Variants in XDH observed in about 807,000 individuals in gnomAD.
XDH encodes xanthine dehydrogenase.
Under a neutral mutation model 156.1 loss-of-function variants are expected in XDH, and 138 were observed. The observed-to-expected ratio is 0.88, with a 90% CI of 0.77 to 1.02. XDH has a LOEUF of 1.02. Among genes scored for constraint, XDH ranks in the 50% least tolerant of loss-of-function variants. The pLI is 0.00. For missense variants in XDH, 1,849 were observed against 1,684.9 expected (o/e 1.10, Z -1.71); for synonymous variants, 669 against 625.7 (o/e 1.07, Z -1.03).
intron 24 of XDH, among the ~76,000 whole-genome samples, chr2:31,353,699 G>C (rs1199753441): frequency 1.3e-5 from 2 of 152,166 alleles, no homozygotes; most frequent in Non-Finnish European, 2.9e-5. Context: ...ACCAAGAAAA[G>C]GGCAGTCTAG....
Position 31,379,977 on chromosome 2 carries a change from C to T in XDH, c.1133-1G>A, listed in dbSNP as rs1028214638. On this transcript the variant is annotated splice_acceptor_variant, in intron 12 of 35. Coordinates refer to ENST00000379416, the MANE Select transcript of XDH (RefSeq NM_000379.4). LOFTEE classifies it high-confidence loss of function. ...TCCATCTGGACAGTTCTCCTGGTGC[C>T]TGTACAGAAGCAAGATGAAGAGGAG... is the stretch of plus-strand genomic sequence containing the variant. 6.2e-7 allele frequency: 1 copy of T among 1,613,734 alleles called. No individual in the cohort carries two copies. Among genetic ancestry groups the T allele is most frequent in the Non-Finnish European group, 8.5e-7 (1 of 1,179,974 alleles).
intron 31 of XDH, among the ~76,000 whole-genome samples, chr2:31,343,946 A>G (rs1387540067): frequency 6.6e-6 from 1 of 151,950 alleles, no homozygotes; most frequent in Non-Finnish European, 1.5e-5. Flanking sequence ...TTTTAAAGAA[A>G]CATTGAATTA....
intron 22 of XDH, 75 bp downstream of exon 22, chr2:31,365,901 T>G: frequency 1.9e-6 from 3 of 1,609,680 alleles, no homozygotes; most frequent in Non-Finnish European, 2.5e-6. Flanking sequence ...GGGGAAGTCC[T>G]GAAAACCTTC....
rs576914226 is a variant in XDH, at chr2:31,407,830, T to C, written c.43-1866A>G. 2.0e-5 allele frequency among the ~76,000 whole-genome samples: 3 copies of C among 152,342 alleles called. No individual in the cohort carries two copies. The South Asian group carries it at 6.2e-4, about 32-fold the overall frequency. Reference sequence around the variant, plus strand: ...CCTTTGAATAAAGTTTAAAGGAAAGTAGATGAAATTAATTTTCTTATGTGA... The same window carrying C: ...CCTTTGAATAAAGTTTAAAGGAAAGCAGATGAAATTAATTTTCTTATGTGA... On this transcript the variant is annotated intron_variant, in intron 1 of 35. Transcript: ENST00000379416.
intron 1 of XDH, among the ~76,000 whole-genome samples, chr2:31,406,228 C>T (rs987015336): frequency 2.0e-5 from 3 of 152,074 alleles, no homozygotes; most frequent in African/African-American, 4.8e-5. Context: ...TTAGTTGTCA[C>T]GAGATATTTA....
At position 31,335,151 on chromosome 2, in the gene XDH, G is replaced by C. The variant is rs554285021; in HGVS notation, c.*807C>G. On this transcript the variant is annotated 3_prime_UTR_variant, in exon 36 of 36. Transcript: ENST00000379416. ...CTCCCAAAGTGCTGGGATTATAGGGGTGAGCCACCATGCCAGGACTGATAG... is the reference window on the plus strand; with the variant it reads ...CTCCCAAAGTGCTGGGATTATAGGGCTGAGCCACCATGCCAGGACTGATAG... 1 of 152,244 alleles carries C rather than the reference G, an allele frequency of 6.6e-6. No individual in the cohort carries two copies. The highest frequency in any genetic ancestry group is 1.5e-5 in the Non-Finnish European group (1 of 68,102). 9.4% of individuals were successfully genotyped at this position (152,244 alleles called of 1,614,324 possible).
chr2:31,343,590 A>ATGC (rs1236680668), intron 31 of XDH, among the ~76,000 whole-genome samples: 7 of 144,958 alleles, frequency 4.8e-5, no homozygotes, highest in African/African-American at 7.5e-5. Context: ...TAATATCTAT[A>ATGC]CATATATTAG....
rs755377647 is a variant in XDH, at chr2:31,366,989, T to A, written c.2203A>T (p.Ile735Leu). 6.2e-7 allele frequency: 1 copy of A among 1,614,122 alleles called. No homozygotes were observed. Among genetic ancestry groups the A allele is most frequent in the Non-Finnish European group, 8.5e-7 (1 of 1,179,992 alleles). The change falls in exon 21 of 36, where the codon ATA becomes TTA. Residue 735 changes from isoleucine (I) to leucine (L), a missense_variant. Coordinates refer to ENST00000379416, the MANE Select transcript of XDH (RefSeq NM_000379.4). ...SEADNVVSGE[I>L]YIGGQEHFYL... is the part of the protein sequence containing the mutation. The stretch of plus-strand genomic sequence containing the variant: ...AAGTGCTCTTGGCCACCGATGTATA[T>A]CTCCCCTGGGGAAGCAGTGAGATCC...
intron 24 of XDH, among the ~76,000 whole-genome samples, chr2:31,358,692 T>C (rs1373709766): frequency 2.6e-5 from 4 of 152,066 alleles, no homozygotes; most frequent in Non-Finnish European, 5.9e-5. Flanking sequence ...AAAAAGCATT[T>C]GACAAAATTC....
Position 31,348,922 on chromosome 2 carries a change from A to C in XDH, c.3028T>G (p.Phe1010Val). The C allele has an allele frequency of 6.2e-7, 1 of 1,613,500 alleles. No individual in the cohort carries two copies. The highest frequency in any genetic ancestry group is 8.5e-7 in the Non-Finnish European group (1 of 1,179,344). Residue 1010 changes from phenylalanine (F) to valine (V), a missense_variant, in exon 27 of 36, where the codon TTT (phenylalanine) becomes GTT (valine). Phe to Val is a conservative substitution (Grantham distance 50). Transcript: ENST00000379416. Reference sequence around the variant, plus strand: ...ACCTGATTCAGAAAAGGAACTGTAAAGCTTATTCCAAACTTGGTGGGAATT... The same window carrying C: ...ACCTGATTCAGAAAAGGAACTGTAACGCTTATTCCAAACTTGGTGGGAATT... ...CIIPTKFGIS[F>V]TVPFLNQAGA...
At chr2:31,403,518 C>T (rs928632729) in intron 2 of XDH, among the ~76,000 whole-genome samples, 1 of 152,112 alleles carries the variant, frequency 6.6e-6, no homozygotes, top group Admixed American at 6.5e-5. Context: ...GTTCTCACAT[C>T]ACTCCCAGCT....
intron 30 of XDH, among the ~76,000 whole-genome samples, chr2:31,345,643 C>T (rs530660739): frequency 1.6e-4 from 24 of 152,042 alleles, no homozygotes; most frequent in Non-Finnish European, 3.2e-4. Flanking sequence ...AGACTTGGTC[C>T]TAAAACCTGC....
chr2:31,383,298 G>T, intron 10 of XDH, 146 bp from the exon 11 acceptor site: 1 of 1,264,098 alleles, frequency 7.9e-7, no homozygotes, highest in Non-Finnish European at 1.1e-6. Context: ...TGAGGGCCCA[G>T]AGTGGTTGAG....
intron 16 of XDH, among the ~76,000 whole-genome samples, chr2:31,373,199 G>T (rs1686124547): frequency 6.6e-6 from 1 of 152,152 alleles, no homozygotes; most frequent in Non-Finnish European, 1.5e-5. Flanking sequence ...GTTGTTCAAG[G>T]TTGCACAATT....
At chr2:31,384,685 C>T (rs1686536459) in intron 9 of XDH, among the ~76,000 whole-genome samples, 1 of 152,216 alleles carries the variant, frequency 6.6e-6, no homozygotes, top group South Asian at 2.1e-4. Flanking sequence ...CCCCCCTTCC[C>T]CCCAGGTGCT....
rs555294996 is a variant in XDH, at chr2:31,382,930, G to C, written c.1038+71C>G. ...GAGGCCCACTGCACTGACACAGTGAGAGTCTGGCTGCCCTGCTTTCAGATG... is the reference window on the plus strand; with the variant it reads ...GAGGCCCACTGCACTGACACAGTGACAGTCTGGCTGCCCTGCTTTCAGATG... On this transcript the variant is annotated intron_variant, in intron 11 of 35. Transcript: ENST00000379416. The C allele has an allele frequency of 2.5e-5, 41 of 1,607,980 alleles. 1 individual carries two copies. The Admixed American group carries it at 3.2e-4, about 12-fold the overall frequency.
At chr2:31,365,688 C>A in intron 22 of XDH, 144 bp from the exon 23 acceptor site, 1 of 1,043,266 alleles carries the variant, frequency 9.6e-7, no homozygotes, top group South Asian at 1.3e-5. Flanking sequence ...GCCATCTAGG[C>A]ACTGTGATAG....
In XDH at chr2:31,395,154, GT is replaced by G. The variant is rs561041369; in HGVS notation, c.495+2513del. On this transcript the variant is annotated intron_variant, in intron 6 of 35. Coordinates refer to ENST00000379416, the MANE Select transcript of XDH (RefSeq NM_000379.4). ...AAGACCTCATATAAATAGGCCTTTA[GT>G]TAATGTATTGGTAAGATATGAAGGA... 1.9e-3 allele frequency among the ~76,000 whole-genome samples: 296 copies of G among 151,938 alleles called. 1 individual carries two copies. Among genetic ancestry groups the G allele is most frequent in the African/African-American group, 6.3e-3 (262 of 41,462 alleles).
chr2:31,405,799 T>G (rs562595752), intron 2 of XDH, 108 bp downstream of exon 2: 4 of 1,296,858 alleles, frequency 3.1e-6, no homozygotes, highest in Admixed American at 3.4e-5. Context: ...TGCTCTTTCC[T>G]CCACACCTCA....
Sources: allele counts gnomAD v4.1 joint callset (sites outside exome capture counted in the v4.1 genomes callset), GRCh38; gene constraint gnomAD v4.1.1; transcripts MANE v1.5; gene names NCBI Gene and HGNC (gene_info 2026-07-23, HGNC 2026-07-21).